The following LPP variants were observed in gnomAD, a reference collection of about 807,000 sequenced individuals.
The protein encoded by LPP is LIM domain containing preferred translocation partner in lipoma, also known as lipoma-preferred partner.
Under a neutral mutation model 60.4 loss-of-function variants are expected in LPP, and 38 were observed. The ratio of observed to expected loss-of-function variants is 0.63; its 90% CI spans 0.49 to 0.83. The LOEUF (loss-of-function observed/expected upper bound fraction) is 0.83, where lower values mean the gene tolerates loss of function less well. Among genes scored for constraint, LPP ranks in the 40% least tolerant of loss-of-function variants. The pLI is 0.00. For synonymous variants in LPP, 328 were observed against 290.8 expected (o/e 1.13, Z -1.30); for missense variants, 902 against 783.6 (o/e 1.15, Z -1.80).
chr3:188,372,615 G>C (rs1477541289), intron 3 of LPP, among the ~76,000 whole-genome samples: 1 of 151,204 alleles, frequency 6.6e-6, no homozygotes, highest in Non-Finnish European at 1.5e-5. Context: ...CCAAAATAAA[G>C]TTAAGTGCAT....
chr3:188,453,461 T>C (rs1160282310), intron 4 of LPP, among the ~76,000 whole-genome samples: 2 of 152,172 alleles, frequency 1.3e-5, no homozygotes, highest in Non-Finnish European at 2.9e-5. Flanking sequence ...GTGTTCACAA[T>C]GCCTGGGGGA....
At chr3:188,811,351 T>TACACACACACACACAC (rs58445393) in intron 9 of LPP, among the ~76,000 whole-genome samples, 1 of 144,882 alleles carries the variant, frequency 6.9e-6, no homozygotes, top group African/African-American at 2.5e-5. Flanking sequence ...AAGTGCTGTA[T>TACACACACACACACAC]ACACACACAC....
chr3:188,585,215 AG>A (rs1837169443), intron 6 of LPP, among the ~76,000 whole-genome samples: 1 of 152,224 alleles, frequency 6.6e-6, no homozygotes, highest in Non-Finnish European at 1.5e-5. Context: ...AAAACATGTT[AG>A]AACTTATTAA....
intron 7 of LPP, among the ~76,000 whole-genome samples, chr3:188,639,587 A>G (rs1264938260): frequency 2.0e-5 from 3 of 149,528 alleles, no homozygotes; most frequent in East Asian, 2.0e-4. Context: ...GCAACCTACA[A>G]AATGGGAGAA....
At chr3:188,804,243 T>TATTTATATATATATATATATA (rs1553853278) in intron 9 of LPP, among the ~76,000 whole-genome samples, 1 of 37,698 alleles carries the variant, frequency 2.7e-5, no homozygotes, top group South Asian at 1.4e-3. Flanking sequence ...TAGTGCATCT[T>TATTTATATATATATATATATA]TATATATATA....
At chr3:188,218,601 C>T (rs952786708) in intron 1 of LPP, among the ~76,000 whole-genome samples, 3 of 152,166 alleles carry the variant, frequency 2.0e-5, no homozygotes, top group Non-Finnish European at 4.4e-5. Flanking sequence ...TGTTATTGCT[C>T]ATTCAAGTTT....
chr3:188,709,670 G>C (rs1401880315), intron 8 of LPP: 1 of 152,188 alleles, frequency 6.6e-6, no homozygotes, highest in Non-Finnish European at 1.5e-5. Flanking sequence ...AGTTTTAAAA[G>C]CTCCATTTAT....
At chr3:188,636,566 A>AGCCT (rs1321872286) in intron 7 of LPP, among the ~76,000 whole-genome samples, 1 of 152,166 alleles carries the variant, frequency 6.6e-6, no homozygotes, top group African/African-American at 2.4e-5. Flanking sequence ...AGCTCAAGGA[A>AGCCT]GCCTGCCTGC....
At chr3:188,607,418 A>ATATTT (rs1842732460) in intron 6 of LPP, among the ~76,000 whole-genome samples, 4 of 38,490 alleles carry the variant, frequency 1.0e-4, no homozygotes, top group African/African-American at 2.8e-4. Context: ...TATATATATA[A>ATATTT]TTTTTTTTTC....
intron 2 of LPP, among the ~76,000 whole-genome samples, chr3:188,320,443 A>G (rs913629118): frequency 8.5e-5 from 13 of 152,222 alleles, no homozygotes; most frequent in Admixed American, 1.3e-4. Context: ...GCTTCTGTGT[A>G]TACTTACCCA....
At chr3:188,528,823 T>A (rs1821381784) in intron 6 of LPP, among the ~76,000 whole-genome samples, 1 of 152,198 alleles carries the variant, frequency 6.6e-6, no homozygotes, top group African/African-American at 2.4e-5. Flanking sequence ...TCAGGTTTTG[T>A]CTTTGTTTTT....
At chr3:188,259,561 T>C (rs1732849570) in intron 2 of LPP, among the ~76,000 whole-genome samples, 2 of 152,236 alleles carry the variant, frequency 1.3e-5, no homozygotes, top group Non-Finnish European at 2.9e-5. Flanking sequence ...GGTATTCTTA[T>C]TTATGCATGT....
chr3:188,352,870 C>T lies in LPP; in HGVS notation c.-10+11151C>T, dbSNP rs1231796579. 6.6e-6 allele frequency among the ~76,000 whole-genome samples: 1 copy of T among 152,080 alleles called. No homozygotes were observed. The highest frequency in any genetic ancestry group is 1.9e-4 in the East Asian group (1 of 5,190). On this transcript the variant is annotated intron_variant, in intron 3 of 11. Transcript: ENST00000617246. The surrounding 1 kb of genome is among the most constrained non-coding windows in gnomAD (Gnocchi z 4.4). ...GGGAAAGTGAAGGAGAGTAAGAAGC[C>T]CAGAGTAAATGGCCAAGGTGCCACT... is the stretch of plus-strand genomic sequence containing the variant.
At chr3:188,390,621 G>A (rs1779470614) in intron 3 of LPP, among the ~76,000 whole-genome samples, 1 of 150,984 alleles carries the variant, frequency 6.6e-6, no homozygotes, top group Non-Finnish European at 1.5e-5. Flanking sequence ...GATCTCTCTT[G>A]CTGTTTTTCT....
At chr3:188,829,757 C>A (rs1043130137) in intron 9 of LPP, among the ~76,000 whole-genome samples, 1 of 152,148 alleles carries the variant, frequency 6.6e-6, no homozygotes, top group Admixed American at 6.6e-5. Context: ...TGAGTCCTCA[C>A]CCCAGCTTGG....
intron 10 of LPP, among the ~76,000 whole-genome samples, chr3:188,872,003 T>C (rs1271352278): frequency 6.6e-6 from 1 of 152,220 alleles, no homozygotes; most frequent in Non-Finnish European, 1.5e-5. Flanking sequence ...ATTTGATAGC[T>C]CTTTAACTTT....
chr3:188,402,185 A>G (rs1203461503), intron 3 of LPP, among the ~76,000 whole-genome samples: 1 of 152,216 alleles, frequency 6.6e-6, no homozygotes. Context: ...GTTATTAAAT[A>G]TCCTAGACAG....
intron 8 of LPP, among the ~76,000 whole-genome samples, chr3:188,753,890 A>T (rs908592309): frequency 2.0e-5 from 3 of 152,210 alleles, no homozygotes; most frequent in East Asian, 3.9e-4. Flanking sequence ...AAGCCTCTCT[A>T]TAGAATCAGA....
intron 6 of LPP, among the ~76,000 whole-genome samples, chr3:188,598,240 G>A (rs894617444): frequency 6.6e-6 from 1 of 152,130 alleles, no homozygotes. Flanking sequence ...TTCATGGTAA[G>A]AGCAATGAGA....
Sources: allele counts gnomAD v4.1 joint callset (sites outside exome capture counted in the v4.1 genomes callset), GRCh38; gene constraint gnomAD v4.1.1; non-coding constraint Gnocchi (gnomAD v3.1); transcripts MANE v1.5; gene names NCBI Gene and HGNC (gene_info 2026-07-23, HGNC 2026-07-21).